IFT80: variants seen among roughly 807,000 people sequenced by gnomAD.
IFT80 encodes intraflagellar transport 80.
IFT80 carries 79 observed loss-of-function variants against 107.9 expected under a neutral mutation model. That is an observed-to-expected ratio of 0.73 (90% CI 0.61 to 0.88). The LOEUF (loss-of-function observed/expected upper bound fraction) is 0.88, where lower values mean the gene tolerates loss of function less well. IFT80 is among the 40% of genes least tolerant of loss of function. The probability of loss-of-function intolerance (pLI) is 0.00; values close to 1 mark genes in which losing one functional copy is unlikely to be tolerated. For synonymous variants in IFT80, 299 were observed against 300.9 expected, an observed-to-expected ratio of 0.99 and a Z score of 0.07; for missense variants, 797 against 914.2, an observed-to-expected ratio of 0.87 and a Z score of 1.65.
Position 160,349,109 on chromosome 3 carries a change from T to C in IFT80, c.777+6904A>G, listed in dbSNP as rs560806820. Among the ~76,000 whole-genome samples, 11 of 93,454 alleles carry C rather than the reference T, an allele frequency of 1.2e-4. No homozygotes were observed. In the Admixed American group the frequency reaches 1.2e-3, roughly 10 times the overall value. The allele number at this position is 93,454 out of a possible 152,430, so 61.3% of individuals were successfully genotyped here. ...CATATACAAATTGTATCCTGATAAA[T>C]TTGTTTCTTTAAAAAAGCAGCCAGA... On this transcript the variant is annotated intron_variant, in intron 8 of 19. Coordinates refer to ENST00000326448, the MANE Select transcript of IFT80 (RefSeq NM_020800.3).
intron 8 of IFT80, among the ~76,000 whole-genome samples, chr3:160,353,741 T>C (rs1720873496): frequency 6.6e-6 from 1 of 152,228 alleles, no homozygotes; most frequent in Non-Finnish European, 1.5e-5. Context: ...TAATGTACTG[T>C]AAGTCTTATA....
At chr3:160,351,387 A>G (rs913857964) in intron 8 of IFT80, among the ~76,000 whole-genome samples, 3 of 149,572 alleles carry the variant, frequency 2.0e-5, no homozygotes, top group Non-Finnish European at 3.0e-5. Flanking sequence ...TTGTTAAATT[A>G]TAAAGAATGT....
At chr3:160,258,702 T>A in intron 19 of IFT80, 67 bp from the exon 20 acceptor site, 2 of 1,547,002 alleles carry the variant, frequency 1.3e-6, no homozygotes, top group Admixed American at 1.8e-5. Flanking sequence ...TACTCCAAAG[T>A]AACTAAGAGT....
At chr3:160,280,891 C>T in intron 14 of IFT80, 77 bp from the exon 15 acceptor site, 1 of 1,276,766 alleles carries the variant, frequency 7.8e-7, no homozygotes, top group South Asian at 1.3e-5. Flanking sequence ...AAATGCCTGA[C>T]AAACAAAATC....
intron 1 of IFT80, among the ~76,000 whole-genome samples, chr3:160,398,280 C>A (rs139175579): frequency 6.6e-6 from 1 of 152,030 alleles, no homozygotes; most frequent in Admixed American, 6.6e-5. Flanking sequence ...AATCACTGAA[C>A]CTGACTTCAT....
intron 8 of IFT80, among the ~76,000 whole-genome samples, chr3:160,349,011 G>A (rs776905381): frequency 2.0e-5 from 3 of 152,082 alleles, no homozygotes; most frequent in Non-Finnish European, 2.9e-5. Flanking sequence ...GTTTTGTAAC[G>A]GTTGCACAAC....
At chr3:160,323,602 C>A (rs1718447547) in intron 8 of IFT80, among the ~76,000 whole-genome samples, 1 of 151,706 alleles carries the variant, frequency 6.6e-6, no homozygotes, top group Non-Finnish European at 1.5e-5. Context: ...CACAACATAC[C>A]AGAATCTCTG....
intron 15 of IFT80, 64 bp downstream of exon 15, chr3:160,280,603 A>C (rs1714611993): frequency 7.1e-7 from 1 of 1,412,572 alleles, no homozygotes; most frequent in African/African-American, 1.4e-5. Flanking sequence ...ATAGAAGCCA[A>C]AACATGATAC....
intron 8 of IFT80, among the ~76,000 whole-genome samples, chr3:160,351,431 A>G (rs1000017155): frequency 6.7e-6 from 1 of 149,340 alleles, no homozygotes; most frequent in Non-Finnish European, 1.5e-5. Context: ...TTATTACCTT[A>G]GGATAAATCC....
intron 9 of IFT80, among the ~76,000 whole-genome samples, chr3:160,318,402 T>C (rs952145752): frequency 2.6e-5 from 4 of 152,076 alleles, no homozygotes; most frequent in Non-Finnish European, 5.9e-5. Context: ...TTATGAATAC[T>C]GAAGATAGAG....
intron 18 of IFT80, among the ~76,000 whole-genome samples, chr3:160,276,239 TTAA>T (rs1714257703): frequency 6.6e-6 from 1 of 152,162 alleles, no homozygotes; most frequent in Admixed American, 6.5e-5. Context: ...TGAATTTGTG[TTAA>T]TAAGGGACAA....
intron 8 of IFT80, among the ~76,000 whole-genome samples, chr3:160,322,806 ATG>A (rs1718353530): frequency 6.6e-6 from 1 of 151,910 alleles, no homozygotes; most frequent in Non-Finnish European, 1.5e-5. Flanking sequence ...GCATTTTTTC[ATG>A]TGTCTTTTGG....
intron 18 of IFT80, among the ~76,000 whole-genome samples, chr3:160,271,926 A>AT (rs148933460): frequency 1.1e-4 from 17 of 150,458 alleles, no homozygotes; most frequent in Non-Finnish European, 2.5e-4. Context: ...TAACACTACT[A>AT]TAATGAAGTC....
chr3:160,383,907 T>G, intron 2 of IFT80: 6 of 985,430 alleles, frequency 6.1e-6, no homozygotes, highest in Non-Finnish European at 7.2e-6. Flanking sequence ...GTGGAATGAA[T>G]ACATGCTAGA....
At chr3:160,378,649 A>C (rs1255401623) in intron 3 of IFT80, among the ~76,000 whole-genome samples, 4 of 151,938 alleles carry the variant, frequency 2.6e-5, no homozygotes, top group Non-Finnish European at 4.4e-5. Context: ...TAAAATTTAA[A>C]AAAAAAAAAT....
chr3:160,392,182 G>A (rs1243105429), intron 1 of IFT80, among the ~76,000 whole-genome samples: 1 of 152,172 alleles, frequency 6.6e-6, no homozygotes, highest in African/African-American at 2.4e-5. Flanking sequence ...GAACTACAGA[G>A]AATTAGAGGG....
At chr3:160,286,883 G>A (rs1415205970) in intron 12 of IFT80, among the ~76,000 whole-genome samples, 2 of 151,982 alleles carry the variant, frequency 1.3e-5, no homozygotes, top group African/African-American at 4.8e-5. Flanking sequence ...TTTCCTGAGT[G>A]ATTAGAGTAT....
At chr3:160,285,504 T>C (rs1398763680) in intron 13 of IFT80, among the ~76,000 whole-genome samples, 5 of 152,184 alleles carry the variant, frequency 3.3e-5, no homozygotes, top group Admixed American at 3.3e-4. Flanking sequence ...TACTGGTAAG[T>C]GCTAAAATTT....
At chr3:160,270,099 C>CA (rs1316597206) in intron 18 of IFT80, among the ~76,000 whole-genome samples, 1 of 152,190 alleles carries the variant, frequency 6.6e-6, no homozygotes, top group Non-Finnish European at 1.5e-5. Flanking sequence ...TGCCAGGGTT[C>CA]AAGCAATTCT....
Sources: gnomAD v4.1 joint callset for allele counts (sites outside exome capture counted in the v4.1 genomes callset) on GRCh38, gnomAD v4.1.1 for gene constraint, MANE v1.5 for transcripts, NCBI Gene and HGNC (gene_info 2026-07-23, HGNC 2026-07-21) for gene names.